Variants in PRKN observed in about 807,000 individuals in gnomAD.
The protein encoded by PRKN is parkin RBR E3 ubiquitin protein ligase.
In PRKN, 56 loss-of-function variants were observed where a neutral mutation model predicts 59.5. The ratio of observed to expected loss-of-function variants is 0.94; its 90% CI spans 0.76 to 1.18. The LOEUF (loss-of-function observed/expected upper bound fraction) is 1.18. Ranked by LOEUF, PRKN falls within the 50% of genes most tolerant of loss-of-function variation. PRKN has a pLI of 0.00. For synonymous variants in PRKN, 250 were observed against 222.1 expected, an observed-to-expected ratio of 1.13 and a Z score of -1.12; for missense variants, 657 against 596.4, an observed-to-expected ratio of 1.10 and a Z score of -1.06.
intron 1 of PRKN, among the ~76,000 whole-genome samples, chr6:162,634,386 T>TCAA (rs1777630781): frequency 1.3e-5 from 2 of 152,088 alleles, no homozygotes; most frequent in Admixed American, 1.3e-4. Context: ...TCCCAGTGCT[T>TCAA]TCTCCAAGGC....
chr6:161,453,820 T>C (rs1401945741), intron 9 of PRKN, among the ~76,000 whole-genome samples: 3 of 142,918 alleles, frequency 2.1e-5, no homozygotes, highest in African/African-American at 7.6e-5. Context: ...AAAAGTTAAC[T>C]TTATGATTAC....
At chr6:162,063,602 T>C (rs1406624892) in intron 4 of PRKN, among the ~76,000 whole-genome samples, 1 of 129,108 alleles carries the variant, frequency 7.7e-6, no homozygotes, top group African/African-American at 2.6e-5. Flanking sequence ...TGGAGTGCAG[T>C]GGTGCGATCT....
At chr6:162,711,419 T>TA (rs1562517053) in intron 1 of PRKN, among the ~76,000 whole-genome samples, 1 of 23,720 alleles carries the variant, frequency 4.2e-5, no homozygotes. Flanking sequence ...AAACTGCTAT[T>TA]TAAAAAAAAA....
chr6:161,901,271 C>T (rs574074662), intron 6 of PRKN, among the ~76,000 whole-genome samples: 4 of 152,120 alleles, frequency 2.6e-5, no homozygotes, highest in African/African-American at 9.6e-5. Flanking sequence ...AGTAAAAAAG[C>T]AGTTTGGATC....
intron 7 of PRKN, among the ~76,000 whole-genome samples, chr6:161,774,381 A>AGC (rs879673896): frequency 0.18 from 15,581 of 88,900 alleles, 1,357 homozygotes; most frequent in Admixed American, 0.3. Flanking sequence ...CTACTCCCTG[A>AGC]GCACACACAC....
At chr6:162,249,070 A>G (rs1465261359) in intron 3 of PRKN, among the ~76,000 whole-genome samples, 2 of 152,026 alleles carry the variant, frequency 1.3e-5, no homozygotes, top group South Asian at 4.2e-4. Flanking sequence ...AGTAGAGACG[A>G]GGTTTCACCA....
chr6:161,707,889 T>C (rs1786574407), intron 7 of PRKN, among the ~76,000 whole-genome samples: 1 of 152,184 alleles, frequency 6.6e-6, no homozygotes, highest in Non-Finnish European at 1.5e-5. Context: ...TGTTGGTTAC[T>C]GGCTCTTAAC....
intron 1 of PRKN, among the ~76,000 whole-genome samples, chr6:162,587,741 A>G (rs529812490): frequency 2.1e-3 from 323 of 152,252 alleles, no homozygotes; most frequent in African/African-American, 7.6e-3. Context: ...ACCTTTAAGA[A>G]TATCAAAATA....
chr6:161,954,451 A>AT (rs1780099476), intron 6 of PRKN, among the ~76,000 whole-genome samples: 2 of 152,296 alleles, frequency 1.3e-5, no homozygotes, highest in African/African-American at 4.8e-5. Flanking sequence ...TTTCCACTCC[A>AT]TTCGCCTTGC....
chr6:162,407,480 A>G (rs953406959), intron 2 of PRKN, among the ~76,000 whole-genome samples: 1 of 152,226 alleles, frequency 6.6e-6, no homozygotes, highest in African/African-American at 2.4e-5. Context: ...ATTGTAGCAG[A>G]TGTGTCAACT....
chr6:161,703,402 G>C (rs1786335358), intron 7 of PRKN, among the ~76,000 whole-genome samples: 1 of 152,184 alleles, frequency 6.6e-6, no homozygotes, highest in South Asian at 2.1e-4. Context: ...CTAGTCATTA[G>C]TGAAACATAA....
At chr6:162,231,718 G>C (rs758282465) in intron 3 of PRKN, among the ~76,000 whole-genome samples, 7 of 152,168 alleles carry the variant, frequency 4.6e-5, no homozygotes, top group Non-Finnish European at 7.3e-5. Context: ...TGAGGTTTTG[G>C]TATTGTGAAA....
At chr6:161,585,570 T>A (rs1054048840) in intron 7 of PRKN, among the ~76,000 whole-genome samples, 3 of 152,320 alleles carry the variant, frequency 2.0e-5, no homozygotes, top group Non-Finnish European at 2.9e-5. Flanking sequence ...TAAATAGTGA[T>A]TGTCAATTAA....
intron 7 of PRKN, among the ~76,000 whole-genome samples, chr6:161,722,631 A>G (rs776136182): frequency 3.9e-5 from 6 of 152,186 alleles, no homozygotes; most frequent in Non-Finnish European, 7.3e-5. Flanking sequence ...AGTTGATCCA[A>G]TTTATACTCC....
chr6:162,432,067 T>C (rs1470639399), intron 2 of PRKN, among the ~76,000 whole-genome samples: 1 of 152,162 alleles, frequency 6.6e-6, no homozygotes, highest in Admixed American at 6.5e-5. Context: ...TTTCCAATTG[T>C]TTATATCAGT....
chr6:161,776,049 A>G (rs1039152514), intron 7 of PRKN, among the ~76,000 whole-genome samples: 5 of 152,198 alleles, frequency 3.3e-5, no homozygotes, highest in Non-Finnish European at 5.9e-5. Context: ...GGCTGATGGC[A>G]TTTCATAGGG....
At chr6:162,503,082 T>G (rs1196422780) in intron 1 of PRKN, among the ~76,000 whole-genome samples, 1 of 151,658 alleles carries the variant, frequency 6.6e-6, no homozygotes, top group Admixed American at 6.6e-5. Flanking sequence ...ATGGATCATG[T>G]ATTATTATTC....
intron 2 of PRKN, among the ~76,000 whole-genome samples, chr6:162,283,585 G>T (rs552680597): frequency 6.6e-6 from 1 of 152,160 alleles, no homozygotes; most frequent in African/African-American, 2.4e-5. Context: ...GCAGTAGCAC[G>T]ATCTCGGCTC....
intron 1 of PRKN, among the ~76,000 whole-genome samples, chr6:162,698,215 T>C (rs192421860): frequency 3.1e-4 from 47 of 152,334 alleles, no homozygotes; most frequent in African/African-American, 1.1e-3. Flanking sequence ...AGTCTATCAA[T>C]ATTGCTTTTC....
Sources: allele counts gnomAD v4.1 joint callset (sites outside exome capture counted in the v4.1 genomes callset), GRCh38; gene constraint gnomAD v4.1.1; transcripts MANE v1.5; gene names NCBI Gene and HGNC (gene_info 2026-07-23, HGNC 2026-07-21).